PCNT: variants seen among roughly 807,000 people sequenced by gnomAD.
PCNT encodes pericentrin.
A neutral mutation model predicts 380.4 loss-of-function variants in PCNT; 319 were observed. The observed-to-expected ratio is 0.84, with a 90% CI of 0.77 to 0.92. The LOEUF (loss-of-function observed/expected upper bound fraction) is 0.92. Among genes scored for constraint, PCNT ranks in the 40% least tolerant of loss-of-function variants. The pLI is 0.00. For missense variants in PCNT, 4,400 were observed against 4,255.3 expected (o/e 1.03, Z -0.95); for synonymous variants, 1,845 against 1,735.2 (o/e 1.06, Z -1.57).
At chr21:46,338,519 GC>G (rs1248453437) in intron 3 of PCNT, among the ~76,000 whole-genome samples, 1 of 151,918 alleles carries the variant, frequency 6.6e-6, no homozygotes, top group Non-Finnish European at 1.5e-5. Flanking sequence ...TTCATTGTGT[GC>G]ATGGTACACA....
chr21:46,352,053 G>A (rs1235989511), intron 9 of PCNT, among the ~76,000 whole-genome samples: 2 of 152,218 alleles, frequency 1.3e-5, no homozygotes, highest in Non-Finnish European at 2.9e-5. Context: ...CCGTGTCAGA[G>A]AGGTCTTTGT....
rs1382452418 is a variant in PCNT at position 46,411,874 on chromosome 21, A to C, written c.5801A>C (p.Gln1934Pro). 8 of 1,569,390 alleles carry C rather than the reference A, an allele frequency of 5.1e-6. No homozygotes were observed. Among genetic ancestry groups the C allele is most frequent in the Non-Finnish European group, 6.9e-6 (8 of 1,164,770 alleles). Residue 1934 changes from glutamine (Q) to proline (P), a missense_variant, in exon 28 of 47, where the codon CAG becomes CCG. Coordinates refer to ENST00000359568, the MANE Select transcript of PCNT (RefSeq NM_006031.6). ...AQCARLSRQLQVLHQRFLRCQ... is the reference protein window; with the variant it reads ...AQCARLSRQLPVLHQRFLRCQ... Reference sequence around the variant, plus strand: ...TGTGCCCGCCTCAGCCGCCAGCTGCAGGTGCTGCACCAGCGGTTCCTGAGG... The same window carrying C: ...TGTGCCCGCCTCAGCCGCCAGCTGCCGGTGCTGCACCAGCGGTTCCTGAGG...
intron 13 of PCNT, 57 bp downstream of exon 13, chr21:46,357,248 C>G (rs1252579793): frequency 4.0e-6 from 5 of 1,241,126 alleles, no homozygotes; most frequent in Non-Finnish European, 5.9e-6. Context: ...TCTCTTCCAC[C>G]TGGAAGGCTT....
chr21:46,343,983 A>G (rs1003595133), intron 3 of PCNT, among the ~76,000 whole-genome samples: 23 of 151,708 alleles, frequency 1.5e-4, no homozygotes, highest in African/African-American at 4.8e-4. Context: ...TTAGTTTCCA[A>G]TTGAGCTTAT....
chr21:46,414,543 C>T (rs138337056), intron 29 of PCNT, among the ~76,000 whole-genome samples: 50 of 149,360 alleles, frequency 3.3e-4, no homozygotes, highest in African/African-American at 1.2e-3. Flanking sequence ...TCCTCCTCCT[C>T]CTCCTGGACA....
chr21:46,418,348 G>A, intron 31 of PCNT, 42 bp downstream of exon 31: 1 of 1,166,256 alleles, frequency 8.6e-7, no homozygotes, highest in Non-Finnish European at 1.3e-6. Flanking sequence ...TATTTCAGTG[G>A]TTTCCTAGCA....
chr21:46,389,007 G>A, intron 18 of PCNT, 123 bp downstream of exon 18: 1 of 1,431,518 alleles, frequency 7.0e-7, no homozygotes, highest in Non-Finnish European at 9.5e-7. Flanking sequence ...CTGGTTTCCT[G>A]CTAGTTTCCG....
chr21:46,397,887 G>A (rs188056386), intron 22 of PCNT, 127 bp from the exon 23 acceptor site: 119 of 709,154 alleles, frequency 1.7e-4, no homozygotes, highest in Admixed American at 1.1e-3. Flanking sequence ...GTGATGAGGG[G>A]GGTATTTGGA....
At position 46,428,399 on chromosome 21, in the gene PCNT, A is replaced by G. The variant is rs2147940156; in HGVS notation, c.7499A>G (p.Asp2500Gly). The G allele has an allele frequency of 1.2e-6, 2 of 1,612,088 alleles. No individual in the cohort carries two copies. Among genetic ancestry groups the G allele is most frequent in the East Asian group, 4.5e-5 (2 of 44,870 alleles). Residue 2500 changes from aspartate to glycine, a missense_variant, in exon 35 of 47, where the codon GAC becomes GGC. Coordinates refer to ENST00000359568, the MANE Select transcript of PCNT (RefSeq NM_006031.6). ...CTTGTCCCATTGTGCCCCCAGGGAG[A>G]CCTGCAGGAAAAGTCCCTGGAGCAT... ...RLEKIIREQG[D>G]LQEKSLEHLR...
Position 46,425,024 on chromosome 21 carries a change from C to T in PCNT, c.7180-807C>T, listed in dbSNP as rs1302093728. ...TTCATCATTGCCTCATTTTGCATTT[C>T]CCTCTTTTTGGACTTTATTAGATTA... On this transcript the variant is annotated intron_variant, in intron 32 of 46. Coordinates refer to ENST00000359568, the MANE Select transcript of PCNT (RefSeq NM_006031.6). This position sits in a 1 kb window ranked among gnomAD's most constrained non-coding sequence, Gnocchi z 4.2. 1.3e-5 allele frequency among the ~76,000 whole-genome samples: 2 copies of T among 152,130 alleles called. No individual in the cohort carries two copies. Among genetic ancestry groups the T allele is most frequent in the Non-Finnish European group, 2.9e-5 (2 of 68,036 alleles).
chr21:46,430,253 TG>T lies in PCNT; in HGVS notation c.7913+24del, dbSNP rs763414347. On this transcript the variant is annotated intron_variant, in intron 36 of 46. Coordinates refer to ENST00000359568, the MANE Select transcript of PCNT (RefSeq NM_006031.6). Reference sequence around the variant, plus strand: ...CTGAGGTGCGCCTGATCCCCCTTCCTGGGACACTGGCGGGAGTCCCCCCGTT... The same window carrying T: ...CTGAGGTGCGCCTGATCCCCCTTCCTGGACACTGGCGGGAGTCCCCCCGTT... 9.4e-6 allele frequency: 15 copies of T among 1,597,364 alleles called. No individual in the cohort carries two copies. In the African/African-American group the frequency reaches 1.9e-4, roughly 20 times the overall value.
Position 46,351,691 on chromosome 21 carries a change from T to A in PCNT, c.1456+151T>A, listed in dbSNP as rs896021308. ...ATCCTGAAGGTTGAGGTGTCTGGTT[T>A]GAAAGTGGAGGTTTGCTTTGTGGGA... On this transcript the variant is annotated intron_variant, in intron 9 of 46. Transcript: ENST00000359568. 2.9e-6 allele frequency: 2 copies of A among 698,314 alleles called. No individual in the cohort carries two copies. The highest frequency in any genetic ancestry group is 3.5e-5 in the African/African-American group (2 of 56,886). 43.3% of individuals were successfully genotyped at this position (698,314 alleles called of 1,614,324 possible). A position where few individuals can be genotyped will look rare whatever the true frequency, so the allele number is the denominator to read the frequency against.
chr21:46,390,603 C>T lies in PCNT; in HGVS notation c.3841-67C>T, dbSNP rs201417231. On this transcript the variant is annotated intron_variant, in intron 19 of 46. Coordinates refer to ENST00000359568, the MANE Select transcript of PCNT (RefSeq NM_006031.6). ...GGTCTGGGGGTAGAAGTGGCGTTCT[C>T]TTGGTCTTAATGTAGGCTTCAGTTA... The T allele has an allele frequency of 7.1e-4, 1,107 of 1,563,306 alleles. 1 individual carries two copies. The highest frequency in any genetic ancestry group is 9.1e-4 in the Non-Finnish European group (1,031 of 1,134,778).
chr21:46,354,223 C>T (rs969497805), intron 11 of PCNT, among the ~76,000 whole-genome samples, 155 bp downstream of exon 11: 6 of 152,184 alleles, frequency 3.9e-5, no homozygotes, highest in African/African-American at 1.4e-4. Context: ...ACTGCTGCTC[C>T]GCGGTGGGCC....
chr21:46,354,285 C>A (rs2146678192), intron 11 of PCNT, among the ~76,000 whole-genome samples: 1 of 152,296 alleles, frequency 6.6e-6, no homozygotes, highest in Non-Finnish European at 1.5e-5. Context: ...AGCCGGAGCC[C>A]CTCCCTCAGC....
intron 15 of PCNT, among the ~76,000 whole-genome samples, chr21:46,371,505 T>G (rs1264500496): frequency 6.6e-6 from 1 of 152,168 alleles, no homozygotes; most frequent in Non-Finnish European, 1.5e-5. Flanking sequence ...GTTACTTACT[T>G]TTTCAGTTTT....
In PCNT at chr21:46,390,900, G is replaced by A. The variant is rs550528385; in HGVS notation, c.4003+68G>A. ...GGGAGCAGGCCTGGCCTCACTGAGGGAAGGAAGCCTTCAGAATAGGGTTTT... is the reference window on the plus strand; with the variant it reads ...GGGAGCAGGCCTGGCCTCACTGAGGAAAGGAAGCCTTCAGAATAGGGTTTT... On this transcript the variant is annotated intron_variant, in intron 20 of 46. Transcript: ENST00000359568. 2.5e-5 allele frequency: 38 copies of A among 1,518,954 alleles called. No homozygotes were observed. In the East Asian group the frequency reaches 8.4e-4, roughly 34 times the overall value. 94.1% of individuals were successfully genotyped at this position (1,518,954 alleles called of 1,614,324 possible). A position where few individuals can be genotyped will look rare whatever the true frequency, so the allele number is the denominator to read the frequency against.
chr21:46,353,097 G>T lies in PCNT; in HGVS notation c.1457-7G>T, dbSNP rs780112087. The T allele has an allele frequency of 5.0e-6, 8 of 1,611,756 alleles. No homozygotes were observed. The South Asian group carries it at 8.8e-5, about 18-fold the overall frequency. ...TAAGACGATTGCCTGACTCCGTTAT[G>T]TTGCAGAGCTACATGAGCAACTCCT... On this transcript the variant is annotated splice_polypyrimidine_tract_variant and splice_region_variant and intron_variant, in intron 9 of 46. Transcript: ENST00000359568.
intron 15 of PCNT, among the ~76,000 whole-genome samples, chr21:46,371,925 A>G (rs1204293088): frequency 8.0e-5 from 12 of 150,526 alleles, no homozygotes; most frequent in African/African-American, 2.7e-4. Context: ...CACACAGCAC[A>G]TGCGCATGCT....
Sources: allele counts gnomAD v4.1 joint callset (sites outside exome capture counted in the v4.1 genomes callset), GRCh38; gene constraint gnomAD v4.1.1; non-coding constraint Gnocchi (gnomAD v3.1); transcripts MANE v1.5; gene names NCBI Gene and HGNC (gene_info 2026-07-23, HGNC 2026-07-21).